The following SCN2A variants were observed in gnomAD, a reference collection of about 807,000 sequenced individuals.
SCN2A encodes sodium voltage-gated channel alpha subunit 2.
SCN2A carries 20 observed loss-of-function variants against 188.7 expected under a neutral mutation model. The observed-to-expected ratio is 0.11, with a 90% CI of 0.07 to 0.15. SCN2A has a LOEUF of 0.15. Among genes scored for constraint, SCN2A ranks in the 10% least tolerant of loss-of-function variants. The pLI is 1.00. For synonymous variants in SCN2A, 804 were observed against 833.1 expected, an observed-to-expected ratio of 0.97 and a Z score of 0.60; for missense variants, 1,278 against 2,445.0, an observed-to-expected ratio of 0.52 and a Z score of 10.07.
chr2:165,277,327 C>A (rs1003267070), intron 1 of SCN2A, among the ~76,000 whole-genome samples: 7 of 152,068 alleles, frequency 4.6e-5, no homozygotes, highest in Non-Finnish European at 7.4e-5. Flanking sequence ...AATTGAGAAA[C>A]AATAAAATGT....
At position 165,291,499 on chromosome 2, in the gene SCN2A, C is replaced by CTTTCT. The variant is rs1559340393; in HGVS notation, c.-51-4271_-51-4267dup. 1.0e-4 allele frequency among the ~76,000 whole-genome samples: 11 copies of CTTTCT among 106,950 alleles called. 1 individual carries two copies. The highest frequency in any genetic ancestry group is 3.8e-4 in the African/African-American group (11 of 28,960). The allele number at this position is 106,950 out of a possible 152,430, so 70.2% of individuals were successfully genotyped here. On this transcript the variant is annotated intron_variant, in intron 1 of 26. Coordinates refer to ENST00000375437, the MANE Select transcript of SCN2A (RefSeq NM_001040142.2). ...CTTTCTTTCTTTCTTTCTTTTCTTT[C>CTTTCT]TTTCTTTCTTTCTTCCTCTCCTTTC...
chr2:165,353,851 G>A (rs1468822957), intron 16 of SCN2A, among the ~76,000 whole-genome samples: 3 of 151,954 alleles, frequency 2.0e-5, no homozygotes, highest in Non-Finnish European at 2.9e-5. Flanking sequence ...CTTGGGAGGG[G>A]GCAAATGTCC....
rs543426253 is a variant in SCN2A, at chr2:165,284,116, A to G, written c.-51-11657A>G. ...CTCTCATACACACAGGCATGCATACATACACTTTGGAATGTAGCTATTTTT... is the reference window on the plus strand; with the variant it reads ...CTCTCATACACACAGGCATGCATACGTACACTTTGGAATGTAGCTATTTTT... On this transcript the variant is annotated intron_variant, in intron 1 of 26. Transcript: ENST00000375437. 4.6e-5 allele frequency among the ~76,000 whole-genome samples: 7 copies of G among 152,016 alleles called. No homozygotes were observed. In the South Asian group the frequency reaches 1.5e-3, roughly 32 times the overall value.
At chr2:165,289,365 C>T (rs1364693656) in intron 1 of SCN2A, among the ~76,000 whole-genome samples, 3 of 151,932 alleles carry the variant, frequency 2.0e-5, no homozygotes, top group Non-Finnish European at 4.4e-5. Flanking sequence ...AAAAGAGTAT[C>T]GAAAGGAAAA....
chr2:165,351,958 G>T (rs1345592436), intron 16 of SCN2A, among the ~76,000 whole-genome samples: 2 of 151,570 alleles, frequency 1.3e-5, no homozygotes, highest in African/African-American at 4.8e-5. Flanking sequence ...AATGGGAGCA[G>T]GCTATATAAA....
intron 1 of SCN2A, chr2:165,245,427 G>A (rs1693803899): frequency 6.6e-6 from 1 of 152,230 alleles, no homozygotes; most frequent in Admixed American, 6.5e-5. Flanking sequence ...ATTTCCTGAG[G>A]CCTTCCCAGC....
chr2:165,376,865 C>T (rs1172990479), intron 22 of SCN2A, among the ~76,000 whole-genome samples: 1 of 151,908 alleles, frequency 6.6e-6, no homozygotes, highest in Admixed American at 6.6e-5. Flanking sequence ...CAACTGACTG[C>T]AGTATTAAAT....
At chr2:165,247,622 A>G (rs1693904835) in intron 1 of SCN2A, among the ~76,000 whole-genome samples, 1 of 151,568 alleles carries the variant, frequency 6.6e-6, no homozygotes, top group South Asian at 2.1e-4. Flanking sequence ...CAGTCACTTT[A>G]CTCTTTACTC....
At chr2:165,365,684 A>G (rs190355235) in intron 18 of SCN2A, among the ~76,000 whole-genome samples, 20 of 152,278 alleles carry the variant, frequency 1.3e-4, no homozygotes, top group African/African-American at 4.8e-4. Flanking sequence ...CTATTTTGTG[A>G]TATTATAATG....
At position 165,354,311 on chromosome 2, in the gene SCN2A, A is replaced by G. The variant is rs1164410000; in HGVS notation, c.3039A>G (p.Gly1013=). 1.9e-6 allele frequency: 3 copies of G among 1,614,038 alleles called. No individual in the cohort carries two copies. Among genetic ancestry groups the G allele is most frequent in the Non-Finnish European group, 2.5e-6 (3 of 1,180,026 alleles). The stretch of plus-strand genomic sequence containing the variant: ...TTGCTGTGGGAAGGATGCAGAAAGG[A>G]ATCGATTTTGTTAAAAGAAAAATAC... ...LQIAVGRMQK[G]IDFVKRKIRE... is the part of the protein sequence containing the mutation. Residue 1013 remains glycine (G), a synonymous_variant, in exon 17 of 27, where the codon GGA becomes GGG. Coordinates refer to ENST00000375437, the MANE Select transcript of SCN2A (RefSeq NM_001040142.2).
intron 1 of SCN2A, chr2:165,273,171 C>T (rs1695179236): frequency 6.6e-6 from 1 of 152,090 alleles, no homozygotes; most frequent in African/African-American, 2.4e-5. Flanking sequence ...CATAATGCTT[C>T]CATTTTCATC....
intron 1 of SCN2A, chr2:165,273,113 A>G (rs1401781370): frequency 2.0e-5 from 3 of 152,182 alleles, no homozygotes; most frequent in East Asian, 3.8e-4. Flanking sequence ...AAAATGCTAA[A>G]TAAACATTTT....
intron 14 of SCN2A, among the ~76,000 whole-genome samples, chr2:165,338,747 C>T (rs987165774): frequency 7.1e-4 from 108 of 152,218 alleles, no homozygotes; most frequent in African/African-American, 2.6e-3. Flanking sequence ...ATTCATTTAA[C>T]ATTTGAAAAG....
chr2:165,280,574 C>G (rs993462615), intron 1 of SCN2A, among the ~76,000 whole-genome samples: 29 of 152,138 alleles, frequency 1.9e-4, no homozygotes, highest in African/African-American at 6.8e-4. Context: ...TGCCCCCACC[C>G]ATATCCTTAG....
chr2:165,356,388 G>A (rs1243267411), intron 17 of SCN2A, among the ~76,000 whole-genome samples: 1 of 152,088 alleles, frequency 6.6e-6, no homozygotes, highest in Non-Finnish European at 1.5e-5. Context: ...CAATAGTTGG[G>A]TTATGCTGGA....
At chr2:165,376,826 A>C (rs978781754) in intron 22 of SCN2A, among the ~76,000 whole-genome samples, 1 of 151,966 alleles carries the variant, frequency 6.6e-6, no homozygotes, top group East Asian at 1.9e-4. Context: ...TGTGTCTGCT[A>C]TGCACTCATA....
At chr2:165,288,711 A>G (rs1695965513) in intron 1 of SCN2A, among the ~76,000 whole-genome samples, 1 of 148,576 alleles carries the variant, frequency 6.7e-6, no homozygotes, top group Admixed American at 7.0e-5. Flanking sequence ...ATTCAGGTTA[A>G]AAAGAGAAGG....
chr2:165,375,650 C>A (rs1160340293), intron 22 of SCN2A, among the ~76,000 whole-genome samples: 1 of 151,926 alleles, frequency 6.6e-6, no homozygotes, highest in Admixed American at 6.6e-5. Context: ...AGTAAATGCG[C>A]TTGAATGTAT....
intron 1 of SCN2A, among the ~76,000 whole-genome samples, chr2:165,264,581 A>G (rs535530245): frequency 8.8e-4 from 134 of 152,138 alleles, no homozygotes; most frequent in African/African-American, 3.1e-3. Context: ...CCTAGTATCC[A>G]TTCGTTATTT....
Sources: allele counts gnomAD v4.1 joint callset (sites outside exome capture counted in the v4.1 genomes callset), GRCh38; gene constraint gnomAD v4.1.1; transcripts MANE v1.5; gene names NCBI Gene and HGNC (gene_info 2026-07-23, HGNC 2026-07-21).